The following RNF121 variants were observed in gnomAD, a reference collection of about 807,000 sequenced individuals.
The protein encoded by RNF121 is ring finger protein 121.
RNF121 carries 21 observed loss-of-function variants against 46.5 expected under a neutral mutation model. The ratio of observed to expected loss-of-function variants is 0.45; its 90% CI spans 0.32 to 0.65. The LOEUF is 0.65. Ranked by LOEUF, RNF121 falls within the 30% of genes least tolerant of loss-of-function variation. RNF121 has a pLI of 0.04. For synonymous variants in RNF121, 139 were observed against 144.7 expected (o/e 0.96, Z 0.28); for missense variants, 346 against 416.0 (o/e 0.83, Z 1.46).
intron 1 of RNF121, among the ~76,000 whole-genome samples, chr11:71,945,034 C>G (rs1156584372): frequency 6.6e-6 from 1 of 151,936 alleles, no homozygotes; most frequent in Non-Finnish European, 1.5e-5. Context: ...GTCACCCAGG[C>G]TGGAGTGCAG....
chr11:71,944,359 G>C (rs1052843507), intron 1 of RNF121, among the ~76,000 whole-genome samples: 1 of 152,168 alleles, frequency 6.6e-6, no homozygotes, highest in Non-Finnish European at 1.5e-5. Flanking sequence ...TTAGGTGAAT[G>C]ACATGGATCA....
intron 1 of RNF121, among the ~76,000 whole-genome samples, chr11:71,951,806 T>G (rs1836982441): frequency 6.6e-6 from 1 of 152,210 alleles, no homozygotes; most frequent in African/African-American, 2.4e-5. Flanking sequence ...CACTGGATGC[T>G]TTAATCAGAG....
chr11:71,942,124 G>A (rs1396485484), intron 1 of RNF121, among the ~76,000 whole-genome samples: 3 of 151,686 alleles, frequency 2.0e-5, no homozygotes, highest in African/African-American at 4.8e-5. Context: ...TATTAGAGAC[G>A]GGGTTTCACC....
intron 3 of RNF121, among the ~76,000 whole-genome samples, chr11:71,974,104 G>A (rs1296748678): frequency 1.3e-5 from 2 of 151,956 alleles, no homozygotes; most frequent in Non-Finnish European, 1.5e-5. Flanking sequence ...ATCGTGTCTG[G>A]CTAATTTTTT....
intron 3 of RNF121, among the ~76,000 whole-genome samples, chr11:71,981,039 A>G (rs1208090140): frequency 6.6e-6 from 1 of 152,016 alleles, no homozygotes; most frequent in Non-Finnish European, 1.5e-5. Flanking sequence ...AGAAATCCCT[A>G]AGAGTAAATA....
rs745982197 is a variant in RNF121 at position 71,996,271 on chromosome 11, A to G, written c.940A>G (p.Ile314Val). ...RYLVAWQPVIIGVVQGINYIL... is the reference protein window; with the variant it reads ...RYLVAWQPVIVGVVQGINYIL... ...CTTGGTAGCCTGGCAGCCTGTCATC[A>G]TTGGTGTAGTCCAAGGCATCAACTA... Residue 314 changes from isoleucine to valine, a missense_variant, in exon 9 of 9, where the codon ATT (isoleucine) becomes GTT (valine). Ile to Val is a conservative substitution (Grantham distance 29, BLOSUM62 3). Coordinates refer to ENST00000361756, the MANE Select transcript of RNF121 (RefSeq NM_018320.5). 2 of 1,614,158 alleles carry G rather than the reference A, an allele frequency of 1.2e-6. No homozygotes were observed. Among genetic ancestry groups the G allele is most frequent in the Middle Eastern group, 1.6e-4 (1 of 6,062 alleles).
chr11:71,955,694 T>G (rs1255152501), intron 1 of RNF121, among the ~76,000 whole-genome samples: 1 of 152,174 alleles, frequency 6.6e-6, no homozygotes, highest in Non-Finnish European at 1.5e-5. Context: ...ATAGGCTTGG[T>G]AAGATGCAGG....
intron 3 of RNF121, among the ~76,000 whole-genome samples, chr11:71,970,193 A>G (rs1954388652): frequency 6.6e-6 from 1 of 152,230 alleles, no homozygotes. Context: ...AGAAACAGAA[A>G]GTAGAATGAT....
chr11:71,996,448 GT>G lies in RNF121; in HGVS notation c.*134del. Reference sequence around the variant, plus strand: ...TGGGCCACTCAGGACCCCTCTGGCTGTGTCGGACTGGGGAGGGATATGATGG... The same window carrying G: ...TGGGCCACTCAGGACCCCTCTGGCTGGTCGGACTGGGGAGGGATATGATGG... On this transcript the variant is annotated 3_prime_UTR_variant, in exon 9 of 9. Transcript: ENST00000361756. The G allele has an allele frequency of 9.7e-7, 1 of 1,031,454 alleles. No individual in the cohort carries two copies. The allele number at this position is 1,031,454 out of a possible 1,614,324, so 63.9% of individuals were successfully genotyped here.
intron 8 of RNF121, among the ~76,000 whole-genome samples, 156 bp downstream of exon 8, chr11:71,995,707 T>A (rs1034488950): frequency 2.6e-5 from 4 of 152,150 alleles, no homozygotes; most frequent in African/African-American, 9.7e-5. Context: ...CCTGCCCCCA[T>A]GATACAACCC....
At position 71,995,553 on chromosome 11, in the gene RNF121, T is replaced by C; in HGVS notation, c.863+2T>C. 6.3e-7 allele frequency: 1 copy of C among 1,576,208 alleles called. No individual in the cohort carries two copies. The highest frequency in any genetic ancestry group is 8.6e-7 in the Non-Finnish European group (1 of 1,158,124). ...CCTCAAGAGGATGTTCAGCAATCCG[T>C]ATCCTTTATTGGGGTCGTTGTTGGG... is the stretch of plus-strand genomic sequence containing the variant. On this transcript the variant is annotated splice_donor_variant, in intron 8 of 8. Coordinates refer to ENST00000361756, the MANE Select transcript of RNF121 (RefSeq NM_018320.5). LOFTEE classifies it high-confidence loss of function.
At chr11:71,952,985 CAAAG>C (rs893841888) in intron 1 of RNF121, among the ~76,000 whole-genome samples, 3 of 152,036 alleles carry the variant, frequency 2.0e-5, no homozygotes, top group African/African-American at 7.2e-5. Flanking sequence ...CAATAGAACT[CAAAG>C]AAAAAACATA....
chr11:71,971,377 T>G (rs1954417115), intron 3 of RNF121, among the ~76,000 whole-genome samples: 1 of 152,120 alleles, frequency 6.6e-6, no homozygotes, highest in African/African-American at 2.4e-5. Flanking sequence ...GATGAAACCC[T>G]GTCTCAAAAT....
At chr11:71,964,806 G>A (rs1954234995) in intron 3 of RNF121, among the ~76,000 whole-genome samples, 1 of 152,158 alleles carries the variant, frequency 6.6e-6, no homozygotes, top group African/African-American at 2.4e-5. Flanking sequence ...GTACAAGTTA[G>A]CAACCTGTCA....
intron 5 of RNF121, 140 bp from the exon 6 acceptor site, chr11:71,990,457 G>C: frequency 1.0e-6 from 1 of 981,370 alleles, no homozygotes; most frequent in Non-Finnish European, 1.5e-6. Context: ...CAGCAGACTG[G>C]ATTTGGTCAT....
chr11:71,950,478 G>T (rs1300356575), intron 1 of RNF121, among the ~76,000 whole-genome samples: 2 of 151,718 alleles, frequency 1.3e-5, no homozygotes, highest in African/African-American at 2.4e-5. Flanking sequence ...CAGCTACTGG[G>T]GAGGCTGAGG....
intron 1 of RNF121, among the ~76,000 whole-genome samples, chr11:71,929,630 T>C (rs1470566896): frequency 2.0e-5 from 3 of 152,226 alleles, no homozygotes; most frequent in African/African-American, 7.2e-5. Context: ...TCTAAGACTT[T>C]GTATCTAATG....
intron 3 of RNF121, among the ~76,000 whole-genome samples, chr11:71,969,404 A>G (rs1954370781): frequency 6.6e-6 from 1 of 152,190 alleles, no homozygotes; most frequent in Admixed American, 6.5e-5. Flanking sequence ...TATAATATTG[A>G]GTGCAAAAGA....
intron 1 of RNF121, among the ~76,000 whole-genome samples, chr11:71,946,029 T>C (rs113947803): frequency 1.3e-5 from 2 of 152,154 alleles, no homozygotes; most frequent in African/African-American, 4.8e-5. Flanking sequence ...GAGTATCACT[T>C]GAGCCCAGGA....
Sources: gnomAD v4.1 joint callset for allele counts (sites outside exome capture counted in the v4.1 genomes callset) on GRCh38, gnomAD v4.1.1 for gene constraint, MANE v1.5 for transcripts, NCBI Gene and HGNC (gene_info 2026-07-23, HGNC 2026-07-21) for gene names.